GABRG3: variants seen among roughly 807,000 people sequenced by gnomAD.
GABRG3 encodes gamma-aminobutyric acid type A receptor subunit gamma3.
Under a neutral mutation model 48.8 loss-of-function variants are expected in GABRG3, and 25 were observed. The ratio of observed to expected loss-of-function variants is 0.51; its 90% confidence interval spans 0.37 to 0.72. The LOEUF is 0.72. Among genes scored for constraint, GABRG3 ranks in the 30% least tolerant of loss-of-function variants. The probability of loss-of-function intolerance (pLI) is 0.00; values close to 1 mark genes in which losing one functional copy is unlikely to be tolerated. For missense variants in GABRG3, 394 were observed against 577.9 expected, an observed-to-expected ratio of 0.68 and a Z score of 3.26; for synonymous variants, 227 against 217.6, an observed-to-expected ratio of 1.04 and a Z score of -0.38.
intron 2 of GABRG3, among the ~76,000 whole-genome samples, chr15:27,020,060 G>C (rs546185736): frequency 6.6e-6 from 1 of 152,028 alleles, no homozygotes; most frequent in Non-Finnish European, 1.5e-5. Context: ...TAACAGCCCG[G>C]CCCTCCACTC....
intron 2 of GABRG3, among the ~76,000 whole-genome samples, chr15:26,981,866 G>A (rs1337155182): frequency 1.3e-5 from 2 of 152,208 alleles, no homozygotes; most frequent in Non-Finnish European, 2.9e-5. Flanking sequence ...TCTGTAGCAG[G>A]ACCTAGAACT....
intron 3 of GABRG3, among the ~76,000 whole-genome samples, chr15:27,304,398 A>G (rs543005941): frequency 2.0e-5 from 3 of 152,150 alleles, no homozygotes; most frequent in African/African-American, 7.2e-5. Flanking sequence ...AATCAGGTAT[A>G]TTTATTTTTT....
At chr15:27,264,100 C>G (rs17672350) in intron 3 of GABRG3, among the ~76,000 whole-genome samples, 11,742 of 151,746 alleles carry the variant, frequency 0.077, 916 homozygotes, top group African/African-American at 0.19. Context: ...GGGCAGGATT[C>G]AAATCAGAAG....
chr15:27,284,252 TA>T (rs1299225132), intron 3 of GABRG3, among the ~76,000 whole-genome samples: 1 of 152,222 alleles, frequency 6.6e-6, no homozygotes, highest in Non-Finnish European at 1.5e-5. Flanking sequence ...TAAGTTACTT[TA>T]TTTGATGTTA....
At chr15:27,111,953 AAC>A (rs58413841) in intron 3 of GABRG3, among the ~76,000 whole-genome samples, 47,592 of 151,914 alleles carry the variant, frequency 0.31, 8,369 homozygotes, top group Non-Finnish European at 0.4. Flanking sequence ...AATGTTTTAC[AAC>A]AGTTACACTC....
chr15:27,393,212 C>T (rs28806893), intron 5 of GABRG3, among the ~76,000 whole-genome samples: 67,836 of 151,542 alleles, frequency 0.45, 16,346 homozygotes, highest in East Asian at 0.98. Context: ...GGCGTGGTGG[C>T]GGGTGCCTGT....
chr15:27,038,940 C>G lies in GABRG3; in HGVS notation c.270+12119C>G, dbSNP rs148155637. Among the ~76,000 whole-genome samples, 790 of 152,256 alleles carry G rather than the reference C, an allele frequency of 5.2e-3. 2 individuals are homozygous for G. The highest frequency in any genetic ancestry group is 0.018 in the African/African-American group (757 of 41,538). On this transcript the variant is annotated intron_variant, in intron 3 of 9. Transcript: ENST00000615808. ...GAGATGTGTGCCATGAGCAAGGTGG[C>G]GCCTTATCAAAGAAAAGCAGAGCCA...
intron 3 of GABRG3, among the ~76,000 whole-genome samples, chr15:27,101,868 T>G (rs34949952): frequency 0.23 from 30,386 of 133,526 alleles, 3,743 homozygotes; most frequent in Middle Eastern, 0.33. Context: ...AAAAAAAAAT[T>G]CTGAAAAAAA....
chr15:27,307,917 A>C (rs1186451904), intron 3 of GABRG3, among the ~76,000 whole-genome samples: 2 of 117,570 alleles, frequency 1.7e-5, no homozygotes, highest in Non-Finnish European at 3.7e-5. Context: ...ACATGTTTAT[A>C]TATAAACATA....
intron 3 of GABRG3, among the ~76,000 whole-genome samples, chr15:27,225,444 G>A (rs994478443): frequency 3.9e-5 from 6 of 152,062 alleles, no homozygotes; most frequent in African/African-American, 1.5e-4. Context: ...GTGGGCTGCC[G>A]ATTGTTTAGT....
intron 3 of GABRG3, among the ~76,000 whole-genome samples, chr15:27,249,591 G>A (rs1890391455): frequency 6.6e-6 from 1 of 152,142 alleles, no homozygotes; most frequent in African/African-American, 2.4e-5. Flanking sequence ...TGTTTTCTTG[G>A]CCCCTGGTTG....
intron 5 of GABRG3, among the ~76,000 whole-genome samples, chr15:27,375,626 G>C (rs1895570058): frequency 6.6e-6 from 1 of 152,164 alleles, no homozygotes; most frequent in Non-Finnish European, 1.5e-5. Context: ...GGCACATCTT[G>C]CATAGGAGCA....
rs1428006101 is a variant in GABRG3, at chr15:27,533,129, T to C, written c.*248T>C. On this transcript the variant is annotated 3_prime_UTR_variant, in exon 10 of 10. Transcript: ENST00000615808. The stretch of plus-strand genomic sequence containing the variant: ...AATATTCTTGCTAATCCCTACTGAA[T>C]TGTAGCTTGGTGTTGTTTCTGAATG... The C allele has an allele frequency of 1.7e-5, 7 of 416,396 alleles. No homozygotes were observed. The South Asian group carries it at 2.8e-4, about 17-fold the overall frequency. The allele number at this position is 416,396 out of a possible 1,614,324, so 25.8% of individuals were successfully genotyped here. A position where few individuals can be genotyped will look rare whatever the true frequency, so the allele number is the denominator to read the frequency against.
chr15:26,992,914 G>A (rs1895274635), intron 2 of GABRG3, among the ~76,000 whole-genome samples: 1 of 151,918 alleles, frequency 6.6e-6, no homozygotes, highest in Admixed American at 6.6e-5. Context: ...TCAGGTTTTG[G>A]ATTTCTTCAT....
chr15:27,394,828 C>T (rs8028000), intron 5 of GABRG3, among the ~76,000 whole-genome samples: 74,068 of 151,870 alleles, frequency 0.49, 19,097 homozygotes, highest in East Asian at 0.99. Flanking sequence ...TTGATCTTGT[C>T]GTTAAGCCCT....
intron 3 of GABRG3, among the ~76,000 whole-genome samples, chr15:27,032,963 G>A (rs1482196680): frequency 6.6e-6 from 1 of 152,030 alleles, no homozygotes; most frequent in Non-Finnish European, 1.5e-5. Context: ...GGCCTGGAAT[G>A]TGTCAACACC....
intron 3 of GABRG3, among the ~76,000 whole-genome samples, chr15:27,077,484 A>G (rs1896928583): frequency 6.6e-6 from 1 of 152,088 alleles, no homozygotes; most frequent in South Asian, 2.1e-4. Context: ...TATCTTTAGA[A>G]ATGCCAAGAC....
intron 3 of GABRG3, among the ~76,000 whole-genome samples, chr15:27,040,625 C>T (rs1465538932): frequency 2.6e-5 from 4 of 152,248 alleles, no homozygotes; most frequent in Non-Finnish European, 4.4e-5. Context: ...TCTCATTTCT[C>T]CCATCCTCTC....
chr15:27,176,475 A>G (rs2140414034), intron 3 of GABRG3, among the ~76,000 whole-genome samples: 1 of 152,348 alleles, frequency 6.6e-6, no homozygotes, highest in Admixed American at 6.5e-5. Context: ...AGGAGACACA[A>G]GTGTTAATGA....
Sources: gnomAD v4.1 joint callset for allele counts (sites outside exome capture counted in the v4.1 genomes callset) on GRCh38, gnomAD v4.1.1 for gene constraint, MANE v1.5 for transcripts, NCBI Gene and HGNC (gene_info 2026-07-23, HGNC 2026-07-21) for gene names.